The following PIEZO2 variants were observed in gnomAD, a reference collection of about 807,000 sequenced individuals.
PIEZO2 encodes the protein piezo-type mechanosensitive ion channel component 2.
PIEZO2 carries 172 observed loss-of-function variants against 337.3 expected under a neutral mutation model. That is an observed-to-expected ratio of 0.51 (90% CI 0.45 to 0.58). The LOEUF is 0.58. Among genes scored for constraint, PIEZO2 ranks in the 20% least tolerant of loss-of-function variants. The pLI, the probability that PIEZO2 is intolerant of heterozygous loss-of-function variation, is 0.00. For synonymous variants in PIEZO2, 1,251 were observed against 1,228.5 expected, an observed-to-expected ratio of 1.02 and a Z score of -0.38; for missense variants, 3,028 against 3,391.3, an observed-to-expected ratio of 0.89 and a Z score of 2.66.
At chr18:11,091,559 G>C (rs2051349591) in intron 1 of PIEZO2, among the ~76,000 whole-genome samples, 1 of 152,052 alleles carries the variant, frequency 6.6e-6, no homozygotes, top group Non-Finnish European at 1.5e-5. Flanking sequence ...TAACAAACAA[G>C]TGATTGAACA....
chr18:11,093,014 A>G (rs2039145008), intron 1 of PIEZO2, among the ~76,000 whole-genome samples: 1 of 152,200 alleles, frequency 6.6e-6, no homozygotes, highest in Non-Finnish European at 1.5e-5. Flanking sequence ...GTTTGAGGTC[A>G]GGGCCATTTG....
chr18:10,699,608 G>A (rs1431568535), intron 43 of PIEZO2, among the ~76,000 whole-genome samples: 1 of 152,138 alleles, frequency 6.6e-6, no homozygotes, highest in Non-Finnish European at 1.5e-5. Flanking sequence ...CCAGTCTCAG[G>A]TATGTCTTTA....
chr18:10,966,955 C>A (rs759144580), intron 3 of PIEZO2, among the ~76,000 whole-genome samples: 1 of 145,268 alleles, frequency 6.9e-6, no homozygotes, highest in Non-Finnish European at 1.5e-5. Flanking sequence ...TTATTTTGTT[C>A]TTTTTTATGG....
intron 4 of PIEZO2, among the ~76,000 whole-genome samples, chr18:10,883,182 G>T (rs979506619): frequency 6.6e-6 from 1 of 152,104 alleles, no homozygotes; most frequent in Admixed American, 6.5e-5. Context: ...ATGGACACAG[G>T]TTGATTCTAT....
chr18:11,005,359 C>A (rs112261937), intron 2 of PIEZO2, among the ~76,000 whole-genome samples: 1 of 152,182 alleles, frequency 6.6e-6, no homozygotes, highest in African/African-American at 2.4e-5. Flanking sequence ...TATAACTTTG[C>A]GTTTGTCTTT....
chr18:10,718,144 T>G, intron 37 of PIEZO2, 56 bp downstream of exon 37: 2 of 1,411,626 alleles, frequency 1.4e-6, no homozygotes, highest in Non-Finnish European at 1.9e-6. Context: ...ATATACGATC[T>G]GGGCAGGTAT....
rs1487084833 is a variant in PIEZO2 at position 10,670,625 on chromosome 18, G to A, written c.*902C>T. On this transcript the variant is annotated 3_prime_UTR_variant, in exon 56 of 56. Coordinates refer to ENST00000674853, the MANE Select transcript of PIEZO2 (RefSeq NM_001378183.1). ...GGAAAAACCATTGCCTTAAATCATG[G>A]AAATGGGAAAAAGCACGTTAAGGGA... The A allele has an allele frequency of 6.6e-6, 1 of 152,264 alleles. No homozygotes were observed. The highest frequency in any genetic ancestry group is 1.5e-5 in the Non-Finnish European group (1 of 68,042). The allele number at this position is 152,264 out of a possible 1,614,324, so 9.4% of individuals were successfully genotyped here. A position where few individuals can be genotyped will look rare whatever the true frequency, so the allele number is the denominator to read the frequency against.
chr18:10,702,318 T>A, intron 42 of PIEZO2, 147 bp from the exon 43 acceptor site: 1 of 724,760 alleles, frequency 1.4e-6, no homozygotes, highest in Middle Eastern at 3.9e-4. Context: ...TGTGGAATAG[T>A]AACATTATCA....
rs1018809823 is a variant in PIEZO2 at position 10,726,134 on chromosome 18, G to C, written c.5029+5273C>G. 1.3e-5 allele frequency among the ~76,000 whole-genome samples: 2 copies of C among 152,116 alleles called. No homozygotes were observed. Among genetic ancestry groups the C allele is most frequent in the African/African-American group, 4.8e-5 (2 of 41,432 alleles). On this transcript the variant is annotated intron_variant, in intron 36 of 55. Coordinates refer to ENST00000674853, the MANE Select transcript of PIEZO2 (RefSeq NM_001378183.1). The surrounding 1 kb of genome is among the most constrained non-coding windows in gnomAD (Gnocchi z 5.9). The stretch of plus-strand genomic sequence containing the variant: ...GCACGTGTGTGGGTGCGTGGGTGTA[G>C]GGTGGTGGGGGGATGGGTGGGAGAG...
rs1386197549 is a variant in PIEZO2 at position 10,699,079 on chromosome 18, G to A, written c.6540C>T (p.Ser2180=). Residue 2180 remains serine (S), a synonymous_variant, in exon 44 of 56, where the codon TCC becomes TCT. Coordinates refer to ENST00000674853, the MANE Select transcript of PIEZO2 (RefSeq NM_001378183.1). ...ELSLGHGRRD[S]SDSLKSINLA... Reference sequence around the variant, plus strand: ...GGTTGATGGACTTGAGAGAATCGGAGGAGTCCCTCCTGCCATGACCGAGGG... The same window carrying A: ...GGTTGATGGACTTGAGAGAATCGGAAGAGTCCCTCCTGCCATGACCGAGGG... 1.7e-5 allele frequency: 26 copies of A among 1,537,084 alleles called. No individual in the cohort carries two copies. The highest frequency in any genetic ancestry group is 9.8e-5 in the Admixed American group (5 of 50,974).
Position 10,697,866 on chromosome 18 carries a change from G to C in PIEZO2, c.6709C>G (p.Arg2237Gly). The C allele has an allele frequency of 7.4e-6, 12 of 1,612,700 alleles. No homozygotes were observed. Among genetic ancestry groups the C allele is most frequent in the Non-Finnish European group, 9.3e-6 (11 of 1,179,134 alleles). Residue 2237 changes from arginine (R) to glycine (G), a missense_variant, in exon 45 of 56, where the codon CGA (arginine) becomes GGA (glycine). By Grantham distance (125) the Arg-to-Gly change is moderately radical. Transcript: ENST00000674853. ...NRSQRGSTST[R>G]NSSQKGSSVL... Reference sequence around the variant, plus strand: ...CTGCTTCCTTTTTGACTGCTGTTTCGGGTGCTTGTGCTGCCTAGAAATAAA... The same window carrying C: ...CTGCTTCCTTTTTGACTGCTGTTTCCGGTGCTTGTGCTGCCTAGAAATAAA...
rs985060546 is a variant in PIEZO2 at position 11,132,443 on chromosome 18, C to T, written c.64+16082G>A. Among the ~76,000 whole-genome samples the T allele has an allele frequency of 1.3e-5, 2 of 152,126 alleles. No individual in the cohort carries two copies. Among genetic ancestry groups the T allele is most frequent in the Non-Finnish European group, 2.9e-5 (2 of 68,030 alleles). ...ATGCCAGCTAGGTAACAGTACTTTG[C>T]AGGGCTGGGGCAAAGTTCTCCAGAA... On this transcript the variant is annotated intron_variant, in intron 1 of 55. Transcript: ENST00000674853. This position sits in a 1 kb window ranked among gnomAD's most constrained non-coding sequence, Gnocchi z 4.7.
rs1378970226 is a variant in PIEZO2, at chr18:11,125,884, C to T, written c.64+22641G>A. On this transcript the variant is annotated intron_variant, in intron 1 of 55. Transcript: ENST00000674853. This position sits in a 1 kb window ranked among gnomAD's most constrained non-coding sequence, Gnocchi z 4.4. ...GGCAAGAGAAATACACAGTCATTCA[C>T]ACCTGCTAACTTGAGGGCTGCCAGG... 6.6e-6 allele frequency among the ~76,000 whole-genome samples: 1 copy of T among 152,204 alleles called. No individual in the cohort carries two copies. Among genetic ancestry groups the T allele is most frequent in the African/African-American group, 2.4e-5 (1 of 41,448 alleles).
At chr18:10,753,714 A>ATT (rs1427759959) in intron 27 of PIEZO2, among the ~76,000 whole-genome samples, 1 of 152,214 alleles carries the variant, frequency 6.6e-6, no homozygotes, top group African/African-American at 2.4e-5. Flanking sequence ...TTAATAAGTA[A>ATT]TTGCTTAATA....
rs909013912 is a variant in PIEZO2, at chr18:10,847,122, G to A, written c.917+8231C>T. Among the ~76,000 whole-genome samples the A allele has an allele frequency of 1.9e-4, 29 of 152,176 alleles. No individual in the cohort carries two copies. The highest frequency in any genetic ancestry group is 4.1e-4 in the South Asian group (2 of 4,832). ...AGGGCCAAGGTTCAATCTCGAGCCC[G>A]TGGACTCCAGGGAATGAGCTGTTGA... On this transcript the variant is annotated intron_variant, in intron 7 of 55. Coordinates refer to ENST00000674853, the MANE Select transcript of PIEZO2 (RefSeq NM_001378183.1). The surrounding 1 kb of genome is among the most constrained non-coding windows in gnomAD (Gnocchi z 5.7).
rs2035530570 is a variant in PIEZO2 at position 10,705,325 on chromosome 18, T to C, written c.5999+11A>G. 1 of 1,525,438 alleles carries C rather than the reference T, an allele frequency of 6.6e-7. No individual in the cohort carries two copies. Among genetic ancestry groups the C allele is most frequent in the South Asian group, 1.2e-5 (1 of 81,612 alleles). 94.5% of individuals were successfully genotyped at this position (1,525,438 alleles called of 1,614,324 possible). A position where few individuals can be genotyped will look rare whatever the true frequency, so the allele number is the denominator to read the frequency against. ...GGGGATATGTGTCTGATCTGTTCACTGGACCCTTACTTTTTCAGCAGCAGC... is the reference window on the plus strand; with the variant it reads ...GGGGATATGTGTCTGATCTGTTCACCGGACCCTTACTTTTTCAGCAGCAGC... On this transcript the variant is annotated intron_variant, in intron 41 of 55. Coordinates refer to ENST00000674853, the MANE Select transcript of PIEZO2 (RefSeq NM_001378183.1).
At chr18:11,072,136 T>C (rs1306141270) in intron 1 of PIEZO2, among the ~76,000 whole-genome samples, 1 of 152,182 alleles carries the variant, frequency 6.6e-6, no homozygotes, top group Non-Finnish European at 1.5e-5. Context: ...ACCCCTTGCA[T>C]GTACTTCTAC....
intron 2 of PIEZO2, among the ~76,000 whole-genome samples, chr18:11,018,220 G>GGTGTGTGT (rs3971612): frequency 7.6e-5 from 11 of 144,034 alleles, no homozygotes; most frequent in African/African-American, 3.0e-4. Context: ...TGGTGGTGGT[G>GGTGTGTGT]GTGTGTGTGT....
chr18:11,070,786 G>A lies in PIEZO2; in HGVS notation c.65-4564C>T, dbSNP rs1254851917. 6.6e-6 allele frequency among the ~76,000 whole-genome samples: 1 copy of A among 152,206 alleles called. No individual in the cohort carries two copies. Among genetic ancestry groups the A allele is most frequent in the Non-Finnish European group, 1.5e-5 (1 of 68,044 alleles). On this transcript the variant is annotated intron_variant, in intron 1 of 55. Transcript: ENST00000674853. The surrounding 1 kb of genome is among the most constrained non-coding windows in gnomAD (Gnocchi z 4.3). ...GGGAGGCCCGGGAGACTGAGCAGAG[G>A]ACGCCAGGGAACAGACTGGGCCTAA...
Sources: allele counts gnomAD v4.1 joint callset (sites outside exome capture counted in the v4.1 genomes callset), GRCh38; gene constraint gnomAD v4.1.1; non-coding constraint Gnocchi (gnomAD v3.1); transcripts MANE v1.5; gene names NCBI Gene and HGNC (gene_info 2026-07-23, HGNC 2026-07-21).